Variants in PCDH15 observed in about 807,000 individuals in gnomAD.
PCDH15 encodes the protein protocadherin-15.
PCDH15 carries 129 observed loss-of-function variants against 178.5 expected under a neutral mutation model. That is an observed-to-expected ratio of 0.72 (90% CI 0.63 to 0.84). PCDH15 has a LOEUF of 0.84. Ranked by LOEUF, PCDH15 falls within the 40% of genes least tolerant of loss-of-function variation. The pLI, the probability that PCDH15 is intolerant of heterozygous loss-of-function variation, is 0.00. For missense variants in PCDH15, 2,230 were observed against 2,099.9 expected (o/e 1.06, Z -1.21); for synonymous variants, 800 against 732.0 (o/e 1.09, Z -1.50).
intron 1 of PCDH15, among the ~76,000 whole-genome samples, chr10:55,252,914 T>C (rs1190559034): frequency 6.6e-6 from 1 of 152,140 alleles, no homozygotes; most frequent in African/African-American, 2.4e-5. Context: ...TCAATAAATA[T>C]GTAATTTCAA....
At chr10:55,131,487 G>C (rs1838044276) in intron 2 of PCDH15, among the ~76,000 whole-genome samples, 1 of 152,140 alleles carries the variant, frequency 6.6e-6, no homozygotes, top group Non-Finnish European at 1.5e-5. Flanking sequence ...TTTCAGCCCT[G>C]TTTGTGTTAC....
At chr10:54,501,268 A>G (rs2080660693) in intron 3 of PCDH15, among the ~76,000 whole-genome samples, 1 of 152,076 alleles carries the variant, frequency 6.6e-6, no homozygotes, top group African/African-American at 2.4e-5. Flanking sequence ...AGGTACAAGC[A>G]AGGGTGATCA....
intron 2 of PCDH15, among the ~76,000 whole-genome samples, chr10:55,337,623 GT>G (rs1385319818): frequency 6.6e-6 from 1 of 152,042 alleles, no homozygotes; most frequent in Non-Finnish European, 1.5e-5. Context: ...TTTGGATAGG[GT>G]AAAAAAATTC....
At chr10:54,224,374 C>T (rs114805371) in intron 9 of PCDH15, among the ~76,000 whole-genome samples, 2,192 of 152,182 alleles carry the variant, frequency 0.014, 33 homozygotes, top group African/African-American at 0.045. Context: ...AAACATTGTA[C>T]GAGAATAGAA....
chr10:54,737,961 G>A (rs1405185624), intron 1 of PCDH15, among the ~76,000 whole-genome samples: 1 of 152,044 alleles, frequency 6.6e-6, no homozygotes, highest in Admixed American at 6.6e-5. Flanking sequence ...GCCAGGGTAG[G>A]AGTCACTGAA....
At chr10:53,955,727 T>C (rs2087547413) in intron 23 of PCDH15, among the ~76,000 whole-genome samples, 1 of 152,196 alleles carries the variant, frequency 6.6e-6, no homozygotes. Flanking sequence ...TAGAAGTTTT[T>C]TCACTAGGAG....
At chr10:55,303,333 C>T (rs1393044124) in intron 1 of PCDH15, among the ~76,000 whole-genome samples, 1 of 152,134 alleles carries the variant, frequency 6.6e-6, no homozygotes. Context: ...TTGCTTGAAT[C>T]AGATTGTTGT....
At chr10:54,353,524 C>T (rs961982847) in intron 5 of PCDH15, among the ~76,000 whole-genome samples, 1 of 151,964 alleles carries the variant, frequency 6.6e-6, no homozygotes, top group African/African-American at 2.4e-5. Flanking sequence ...TCCTAATATC[C>T]CTGTACAGAC....
At chr10:54,255,154 CA>C (rs1039478287) in intron 8 of PCDH15, among the ~76,000 whole-genome samples, 1 of 152,000 alleles carries the variant, frequency 6.6e-6, no homozygotes, top group African/African-American at 2.4e-5. Context: ...TTTTTATGTA[CA>C]AAAAAGATGT....
chr10:55,072,193 A>G (rs374023702), intron 2 of PCDH15, among the ~76,000 whole-genome samples: 1 of 152,076 alleles, frequency 6.6e-6, no homozygotes, highest in South Asian at 2.1e-4. Flanking sequence ...AAGAACTAGA[A>G]AAGCAAGAGC....
chr10:55,585,579 G>A (rs945699034), intron 2 of PCDH15, among the ~76,000 whole-genome samples: 2 of 152,078 alleles, frequency 1.3e-5, no homozygotes, highest in Non-Finnish European at 2.9e-5. Flanking sequence ...TGGAGGCTGA[G>A]GCAGGAGAAT....
At chr10:54,131,158 T>A (rs1590678913) in intron 15 of PCDH15, among the ~76,000 whole-genome samples, 1 of 152,180 alleles carries the variant, frequency 6.6e-6, no homozygotes, top group South Asian at 2.1e-4. Flanking sequence ...TATTGAACTA[T>A]AATATGTTTC....
chr10:54,202,984 C>T (rs2050408924), intron 10 of PCDH15, among the ~76,000 whole-genome samples: 1 of 152,018 alleles, frequency 6.6e-6, no homozygotes. Flanking sequence ...ACTCAAACTC[C>T]AATTTTTAGA....
chr10:55,032,429 C>T (rs1330227123), intron 2 of PCDH15, among the ~76,000 whole-genome samples: 2 of 152,172 alleles, frequency 1.3e-5, no homozygotes, highest in Non-Finnish European at 2.9e-5. Flanking sequence ...AATTAAAAGA[C>T]AGAATTTAAC....
chr10:53,946,645 A>G (rs956827962), intron 23 of PCDH15, among the ~76,000 whole-genome samples: 3 of 152,242 alleles, frequency 2.0e-5, no homozygotes, highest in African/African-American at 7.2e-5. Context: ...AAGAAAACTG[A>G]TCAAAATAAC....
At chr10:55,180,333 C>T (rs1839608236) in intron 1 of PCDH15, among the ~76,000 whole-genome samples, 1 of 152,008 alleles carries the variant, frequency 6.6e-6, no homozygotes, top group Non-Finnish European at 1.5e-5. Context: ...TCTTACAATA[C>T]CTAAAGACCC....
In PCDH15 at chr10:55,330,514, A is replaced by T. The variant is rs148584625; in HGVS notation, c.-155-163863T>A. Among the ~76,000 whole-genome samples the T allele has an allele frequency of 2.1e-3, 323 of 152,020 alleles. 1 individual carries two copies. The highest frequency in any genetic ancestry group is 7.7e-3 in the African/African-American group (320 of 41,544). On this transcript the variant is annotated intron_variant, in intron 2 of 5. Transcript: ENST00000613346. ...CTGTCAAATTGCTTATCTTTTCTAC[A>T]TGCATTTCCACTGAAAAAATATTCA...
chr10:55,572,926 A>C (rs2132111716), intron 2 of PCDH15, among the ~76,000 whole-genome samples: 1 of 152,220 alleles, frequency 6.6e-6, no homozygotes, highest in African/African-American at 2.4e-5. Flanking sequence ...GTAGAAAATT[A>C]TCTCAGAGAG....
intron 2 of PCDH15, among the ~76,000 whole-genome samples, chr10:55,559,536 C>T (rs909603680): frequency 1.3e-5 from 2 of 151,794 alleles, no homozygotes; most frequent in African/African-American, 4.8e-5. Flanking sequence ...AGAATAGTAT[C>T]GGAGCATTAT....
Sources: allele counts gnomAD v4.1 joint callset (sites outside exome capture counted in the v4.1 genomes callset), GRCh38; gene constraint gnomAD v4.1.1; transcripts MANE v1.5; gene names NCBI Gene and HGNC (gene_info 2026-07-23, HGNC 2026-07-21).